RABGAP1L: variants seen among roughly 807,000 people sequenced by gnomAD.
RABGAP1L encodes RAB GTPase activating protein 1 like.
A neutral mutation model predicts 137.7 loss-of-function variants in RABGAP1L; 63 were observed. The observed-to-expected ratio is 0.46, with a 90% CI of 0.37 to 0.56. The LOEUF is 0.56. Ranked by LOEUF, RABGAP1L falls within the 20% of genes least tolerant of loss-of-function variation. RABGAP1L has a pLI of 0.00. For synonymous variants in RABGAP1L, 431 were observed against 433.7 expected (o/e 0.99, Z 0.08); for missense variants, 1,095 against 1,244.0 (o/e 0.88, Z 1.80).
intron 13 of RABGAP1L, among the ~76,000 whole-genome samples, chr1:174,537,359 C>T (rs1664972632): frequency 6.6e-6 from 1 of 152,124 alleles, no homozygotes; most frequent in South Asian, 2.1e-4. Context: ...AAGGAACATG[C>T]CTTTCTCTCA....
intron 13 of RABGAP1L, among the ~76,000 whole-genome samples, chr1:174,473,507 T>C (rs915800223): frequency 1.3e-5 from 2 of 152,158 alleles, no homozygotes; most frequent in African/African-American, 4.8e-5. Flanking sequence ...GCCCTGACAG[T>C]GTTTTCCTTT....
chr1:174,724,704 G>GTGC (rs1681847767), intron 17 of RABGAP1L, among the ~76,000 whole-genome samples: 1 of 152,062 alleles, frequency 6.6e-6, no homozygotes, highest in South Asian at 2.1e-4. Context: ...TGCATCTATA[G>GTGC]TGCTAATACA....
intron 19 of RABGAP1L, among the ~76,000 whole-genome samples, chr1:174,905,668 T>C (rs948921100): frequency 6.6e-6 from 1 of 152,024 alleles, no homozygotes. Flanking sequence ...GTGGCCAACG[T>C]GATGAAACCT....
At chr1:174,307,474 TC>T (rs1419535583) in intron 11 of RABGAP1L, among the ~76,000 whole-genome samples, 9 of 152,074 alleles carry the variant, frequency 5.9e-5, no homozygotes, top group Admixed American at 2.0e-4. Context: ...CCCTTTCCCT[TC>T]CCCCTGGCAG....
intron 19 of RABGAP1L, among the ~76,000 whole-genome samples, chr1:174,904,453 A>T: frequency 6.6e-6 from 1 of 152,156 alleles, no homozygotes; most frequent in Non-Finnish European, 1.5e-5. Flanking sequence ...TTCTTGCCTT[A>T]ACCCACAGGA....
chr1:174,419,319 A>G (rs1157738679), intron 13 of RABGAP1L, among the ~76,000 whole-genome samples: 1 of 152,228 alleles, frequency 6.6e-6, no homozygotes, highest in Admixed American at 6.5e-5. Flanking sequence ...ACAAGCTATC[A>G]GGCAATGTCA....
chr1:174,696,444 C>A (rs1037865551), intron 15 of RABGAP1L, among the ~76,000 whole-genome samples: 2 of 152,032 alleles, frequency 1.3e-5, no homozygotes, highest in Non-Finnish European at 2.9e-5. Context: ...TTGTATGTAC[C>A]CCAAGTCCAC....
chr1:174,357,196 G>A (rs1419130771), intron 11 of RABGAP1L, among the ~76,000 whole-genome samples: 1 of 152,108 alleles, frequency 6.6e-6, no homozygotes, highest in Non-Finnish European at 1.5e-5. Context: ...AGGAAGTTGG[G>A]ACTGCTAGTT....
intron 7 of RABGAP1L, among the ~76,000 whole-genome samples, chr1:174,253,336 C>A (rs1672869243): frequency 6.6e-6 from 1 of 152,092 alleles, no homozygotes; most frequent in South Asian, 2.1e-4. Context: ...AAAGGGAATT[C>A]TCATACTGTT....
intron 19 of RABGAP1L, among the ~76,000 whole-genome samples, chr1:174,921,477 G>C (rs1270643404): frequency 6.6e-6 from 1 of 152,062 alleles, no homozygotes; most frequent in Non-Finnish European, 1.5e-5. Context: ...AATTCTTCAA[G>C]GTAAAAATAC....
intron 13 of RABGAP1L, among the ~76,000 whole-genome samples, chr1:174,608,053 G>C (rs191224049): frequency 1.3e-5 from 2 of 152,232 alleles, no homozygotes; most frequent in African/African-American, 4.8e-5. Context: ...GCCTTACAAT[G>C]GATTTTATAA....
intron 1 of RABGAP1L, among the ~76,000 whole-genome samples, chr1:174,173,251 C>G (rs533554283): frequency 1.2e-3 from 184 of 152,110 alleles, no homozygotes; most frequent in African/African-American, 4.2e-3. Flanking sequence ...CTGCCTCAGC[C>G]TCCCGAGTAG....
intron 11 of RABGAP1L, among the ~76,000 whole-genome samples, chr1:174,348,440 TTTTA>T (rs992230023): frequency 2.0e-4 from 30 of 147,102 alleles, no homozygotes; most frequent in African/African-American, 4.5e-4. Context: ...TCTATTTATT[TTTTA>T]TTTATTTATT....
chr1:174,543,533 C>G (rs1665687545), intron 13 of RABGAP1L, among the ~76,000 whole-genome samples: 1 of 152,096 alleles, frequency 6.6e-6, no homozygotes, highest in South Asian at 2.1e-4. Flanking sequence ...ACTGATGGTT[C>G]TTGACTCTTT....
chr1:174,910,932 C>A (rs905796602), intron 19 of RABGAP1L, among the ~76,000 whole-genome samples: 1 of 152,180 alleles, frequency 6.6e-6, no homozygotes, highest in Non-Finnish European at 1.5e-5. Context: ...GCAGAAGGTT[C>A]TAATTTCTCC....
chr1:174,464,773 T>C (rs1002156677), intron 13 of RABGAP1L, among the ~76,000 whole-genome samples: 1 of 152,100 alleles, frequency 6.6e-6, no homozygotes, highest in African/African-American at 2.4e-5. Flanking sequence ...CTTTTTTTTT[T>C]GCTTCTTCCA....
At chr1:174,924,998 G>T (rs560221759) in intron 19 of RABGAP1L, among the ~76,000 whole-genome samples, 3 of 152,102 alleles carry the variant, frequency 2.0e-5, no homozygotes, top group Non-Finnish European at 4.4e-5. Context: ...GTACATTTGC[G>T]CAAGGACTTG....
At chr1:174,732,451 T>C (rs780412949) in intron 17 of RABGAP1L, among the ~76,000 whole-genome samples, 1 of 152,208 alleles carries the variant, frequency 6.6e-6, no homozygotes, top group Non-Finnish European at 1.5e-5. Context: ...GAATTCTGTC[T>C]AGTTTTATTT....
chr1:174,486,851 A>G (rs1279681916), intron 13 of RABGAP1L, among the ~76,000 whole-genome samples: 1 of 152,054 alleles, frequency 6.6e-6, no homozygotes, highest in Non-Finnish European at 1.5e-5. Context: ...TTTTTACAAG[A>G]TATTTTTCAA....
Sources: allele counts gnomAD v4.1 joint callset (sites outside exome capture counted in the v4.1 genomes callset), GRCh38; gene constraint gnomAD v4.1.1; transcripts MANE v1.5; gene names NCBI Gene and HGNC (gene_info 2026-07-23, HGNC 2026-07-21).